The following CPNE4 variants were observed in gnomAD, a reference collection of about 807,000 sequenced individuals.
CPNE4 encodes the protein copine-4.
Under a neutral mutation model 67.9 loss-of-function variants are expected in CPNE4, and 25 were observed. The ratio of observed to expected loss-of-function variants is 0.37; its 90% confidence interval spans 0.27 to 0.51. The LOEUF (loss-of-function observed/expected upper bound fraction) is 0.51, where lower values mean the gene tolerates loss of function less well. Among genes scored for constraint, CPNE4 ranks in the 20% least tolerant of loss-of-function variants. The pLI is 0.93. For missense variants in CPNE4, 464 were observed against 690.8 expected, an observed-to-expected ratio of 0.67 and a Z score of 3.68; for synonymous variants, 242 against 244.9, an observed-to-expected ratio of 0.99 and a Z score of 0.11.
At chr3:131,928,685 A>G (rs900793175) in intron 1 of CPNE4, among the ~76,000 whole-genome samples, 2 of 152,218 alleles carry the variant, frequency 1.3e-5, no homozygotes, top group African/African-American at 4.8e-5. Context: ...ATACTTGGCC[A>G]TGCTTGTTAG....
chr3:131,646,371 C>T (rs563260542), intron 7 of CPNE4, among the ~76,000 whole-genome samples: 57 of 152,252 alleles, frequency 3.7e-4, no homozygotes, highest in African/African-American at 1.2e-3. Flanking sequence ...AGGGAAAATA[C>T]TCACATACAT....
chr3:131,906,783 G>A (rs1328143699), intron 1 of CPNE4, among the ~76,000 whole-genome samples: 1 of 151,714 alleles, frequency 6.6e-6, no homozygotes, highest in African/African-American at 2.4e-5. Context: ...TGGGATGGCT[G>A]GGTCAAATGG....
At chr3:131,563,187 A>G (rs974729818) in intron 11 of CPNE4, among the ~76,000 whole-genome samples, 2 of 152,054 alleles carry the variant, frequency 1.3e-5, no homozygotes, top group African/African-American at 4.8e-5. Context: ...CACTAGAAAG[A>G]ACAGAAATCA....
intron 2 of CPNE4, among the ~76,000 whole-genome samples, chr3:131,858,366 A>G (rs202198662): frequency 6.6e-6 from 1 of 151,890 alleles, no homozygotes; most frequent in African/African-American, 2.4e-5. Context: ...ACTACTACTC[A>G]AAAGACAAGC....
At chr3:132,026,647 TA>T (rs1210996776) in intron 1 of CPNE4, among the ~76,000 whole-genome samples, 1 of 152,130 alleles carries the variant, frequency 6.6e-6, no homozygotes, top group Non-Finnish European at 1.5e-5. Flanking sequence ...TTTATATAAT[TA>T]AATAATTTTA....
chr3:131,778,231 A>G (rs2083339333), intron 2 of CPNE4, among the ~76,000 whole-genome samples: 1 of 151,944 alleles, frequency 6.6e-6, no homozygotes, highest in Non-Finnish European at 1.5e-5. Context: ...ACTGACTCAT[A>G]CTGCATGCAC....
intron 6 of CPNE4, among the ~76,000 whole-genome samples, chr3:131,672,696 C>A (rs145399910): frequency 1.3e-5 from 2 of 151,772 alleles, no homozygotes; most frequent in East Asian, 3.9e-4. Flanking sequence ...GATTTTTTTT[C>A]TCATAGAGTT....
At chr3:131,973,077 G>A (rs907634940) in intron 1 of CPNE4, among the ~76,000 whole-genome samples, 1 of 152,080 alleles carries the variant, frequency 6.6e-6, no homozygotes, top group African/African-American at 2.4e-5. Flanking sequence ...ATCCCAACTG[G>A]TTGTAACAGC....
intron 10 of CPNE4, among the ~76,000 whole-genome samples, chr3:131,565,180 C>T (rs1204113697): frequency 6.6e-6 from 1 of 151,880 alleles, no homozygotes; most frequent in East Asian, 1.9e-4. Context: ...CCAACATCAC[C>T]ACCATCTAAA....
chr3:131,689,146 A>G (rs1038283921), intron 5 of CPNE4, among the ~76,000 whole-genome samples: 1 of 152,196 alleles, frequency 6.6e-6, no homozygotes, highest in African/African-American at 2.4e-5. Context: ...ACTCTACCAC[A>G]TATAATCTGA....
At chr3:131,776,516 T>C (rs112044723) in intron 2 of CPNE4, among the ~76,000 whole-genome samples, 5 of 152,232 alleles carry the variant, frequency 3.3e-5, no homozygotes, top group African/African-American at 1.2e-4. Flanking sequence ...CCACAAGGGA[T>C]AAGAAGAGAG....
In CPNE4 at chr3:131,798,814, T is replaced by C. The variant is rs556824227; in HGVS notation, c.181-75189A>G. The stretch of plus-strand genomic sequence containing the variant: ...GTATATCAGGTGGTATATCATATTC[T>C]GTTAATATGGTATTACTGCAAATGC... On this transcript the variant is annotated intron_variant, in intron 2 of 15. Coordinates refer to ENST00000429747, the MANE Select transcript of CPNE4 (RefSeq NM_130808.3). 9.8e-5 allele frequency among the ~76,000 whole-genome samples: 15 copies of C among 152,312 alleles called. No homozygotes were observed. The South Asian group carries it at 2.9e-3, about 29-fold the overall frequency.
intron 1 of CPNE4, among the ~76,000 whole-genome samples, chr3:132,027,069 G>C (rs1165508616): frequency 1.3e-5 from 2 of 152,214 alleles, no homozygotes; most frequent in Admixed American, 1.3e-4. Context: ...GAGGAAGAAA[G>C]AAACAGCTTA....
chr3:131,986,835 A>AC (rs1376675533), intron 1 of CPNE4, among the ~76,000 whole-genome samples: 2 of 124,760 alleles, frequency 1.6e-5, no homozygotes, highest in Admixed American at 8.2e-5. Flanking sequence ...GGTCTCAAAA[A>AC]AAAAAAACAA....
At chr3:131,823,164 T>C (rs1438240564) in intron 2 of CPNE4, among the ~76,000 whole-genome samples, 1 of 152,170 alleles carries the variant, frequency 6.6e-6, no homozygotes, top group African/African-American at 2.4e-5. Flanking sequence ...TTATCACAAG[T>C]TTTTTTATGC....
intron 9 of CPNE4, among the ~76,000 whole-genome samples, chr3:131,579,182 C>T (rs1937632194): frequency 6.6e-6 from 1 of 152,160 alleles, no homozygotes; most frequent in Non-Finnish European, 1.5e-5. Context: ...TTCTAGCACT[C>T]TTAACAATTA....
chr3:131,712,296 A>G (rs1009104729), intron 3 of CPNE4, among the ~76,000 whole-genome samples: 6 of 152,218 alleles, frequency 3.9e-5, no homozygotes, highest in African/African-American at 1.4e-4. Flanking sequence ...TTCCTACATC[A>G]TCTATAATCC....
At chr3:131,795,690 A>G (rs1281077957) in intron 2 of CPNE4, among the ~76,000 whole-genome samples, 1 of 152,188 alleles carries the variant, frequency 6.6e-6, no homozygotes, top group African/African-American at 2.4e-5. Context: ...ATTTGTCATC[A>G]GAGGGCTGAA....
intron 1 of CPNE4, among the ~76,000 whole-genome samples, chr3:131,915,250 T>G (rs554595706): frequency 1.5e-4 from 23 of 152,350 alleles, no homozygotes; most frequent in African/African-American, 5.3e-4. Context: ...TACTTTCTTT[T>G]TAGACCATGC....
Sources: gnomAD v4.1 joint callset for allele counts (sites outside exome capture counted in the v4.1 genomes callset) on GRCh38, gnomAD v4.1.1 for gene constraint, MANE v1.5 for transcripts, NCBI Gene and HGNC (gene_info 2026-07-23, HGNC 2026-07-21) for gene names.